The following TRPM5 variants were observed in gnomAD, a reference collection of about 807,000 sequenced individuals.
The protein encoded by TRPM5 is MLSN1 and TRP-related.
In TRPM5, 121 loss-of-function variants were observed where a neutral mutation model predicts 124.9. The observed-to-expected ratio is 0.97, with a 90% CI of 0.84 to 1.13. The LOEUF (loss-of-function observed/expected upper bound fraction) is 1.13, where lower values mean the gene tolerates loss of function less well. TRPM5 is among the 50% of genes most tolerant of loss of function. The pLI, the probability that TRPM5 is intolerant of heterozygous loss-of-function variation, is 0.00. For synonymous variants in TRPM5, 781 were observed against 700.5 expected, an observed-to-expected ratio of 1.11 and a Z score of -1.81; for missense variants, 1,643 against 1,589.1, an observed-to-expected ratio of 1.03 and a Z score of -0.58.
At chr11:2,415,068 C>A in intron 9 of TRPM5, 21 bp from the exon 15 acceptor site, 1 of 1,593,040 alleles carries the variant, frequency 6.3e-7, no homozygotes, top group South Asian at 1.1e-5. Flanking sequence ...CGGGCGTCGG[C>A]CTCCTGCTGC....
chr11:2,407,722 T>C, intron 19 of TRPM5, 37 bp downstream of exon 24: 1 of 1,608,838 alleles, frequency 6.2e-7, no homozygotes, highest in Non-Finnish European at 8.5e-7. Context: ...CTCCCTCCGC[T>C]CCAGGGCTCT....
chr11:2,406,372 C>T (rs1565005477), intron 21 of TRPM5, among the ~76,000 whole-genome samples: 1 of 152,188 alleles, frequency 6.6e-6, no homozygotes, highest in Admixed American at 6.5e-5. Context: ...GGACAGGCCC[C>T]TGGAGCCAGG....
exon 3 of TRPM5, chr11:2,421,114 G>A (rs770774630): frequency 2.3e-5 from 36 of 1,545,400 alleles, no homozygotes; most frequent in Admixed American, 1.2e-4. Context: ...CTTGGTGGAC[G>A]TGCTGGCCAG....
At chr11:2,418,175 T>G in exon 6 of TRPM5, 1 of 1,570,522 alleles carries the variant, frequency 6.4e-7, no homozygotes, top group Non-Finnish European at 8.7e-7. Context: ...ACCAGCTTGG[T>G]CCAGCGCACG....
exon 15 of TRPM5, chr11:2,412,877 G>A: frequency 6.3e-7 from 1 of 1,598,640 alleles, no homozygotes; most frequent in Non-Finnish European, 8.5e-7. Context: ...GGAAGAGGAA[G>A]GCGAAGTACA....
chr11:2,416,452 C>T (rs1845682653), intron 7 of TRPM5, among the ~76,000 whole-genome samples: 2 of 152,180 alleles, frequency 1.3e-5, no homozygotes, highest in Admixed American at 1.3e-4. Flanking sequence ...CAAGGGGGGC[C>T]TGCAGCACCT....
chr11:2,411,239 G>A lies in TRPM5; in HGVS notation c.2782+113C>T. ...AGCCACTTCTCCCATCTCTGCTCCA[G>A]GCTGGGGTCTCCATGGCCCCAACAG... On this transcript the variant is annotated intron_variant, in intron 18 of 23. Transcript: ENST00000155858. The A allele has an allele frequency of 2.4e-6, 3 of 1,274,920 alleles. No individual in the cohort carries two copies. In the South Asian group the frequency reaches 4.9e-5, roughly 21 times the overall value. 79.0% of individuals were successfully genotyped at this position (1,274,920 alleles called of 1,614,324 possible).
At position 2,411,399 on chromosome 11, in the gene TRPM5, C is replaced by T. The variant is rs757576143; in HGVS notation, c.2735G>A (p.Arg912Gln). 44 of 1,611,460 alleles carry T rather than the reference C, an allele frequency of 2.7e-5. No homozygotes were observed. The East Asian group carries it at 4.2e-4, about 16-fold the overall frequency. The change falls in exon 18 of 24, where the codon CGG becomes CAG. Residue 912 changes from arginine (R) to glutamine (Q), a missense_variant. Coordinates refer to ENST00000155858, the Ensembl canonical transcript of TRPM5. ...CTGGCCGAAGATCTGCAGGTAGGGC[C>T]GGTAGAGCACCCGGCGGAAGATCCA...
exon 9 of TRPM5, chr11:2,415,200 G>A (rs1177431789): frequency 6.3e-7 from 1 of 1,583,122 alleles, no homozygotes. Context: ...GAGTACGCGG[G>A]AGACCTCGTG....
chr11:2,431,901 C>T, the TRPM5 span, among the ~76,000 whole-genome samples: 3 of 152,200 alleles, frequency 2.0e-5, no homozygotes, highest in Admixed American at 1.3e-4. Context: ...CTGAGCATTC[C>T]CTGCCACCTC....
chr11:2,423,674 C>T (rs1845803829), upstream of TRPM5, among the ~76,000 whole-genome samples: 1 of 152,224 alleles, frequency 6.6e-6, no homozygotes, highest in Non-Finnish European at 1.5e-5. Flanking sequence ...ATTCCCGTGG[C>T]GCTCCCACAT....
rs780257007 is a variant in TRPM5 at position 2,415,187 on chromosome 11, C to T, written c.1413G>A (p.Lys471=). 4.4e-6 allele frequency: 7 copies of T among 1,584,686 alleles called. No homozygotes were observed. The South Asian group carries it at 6.8e-5, about 15-fold the overall frequency. ...CTCGGCAGGCGTCCTGCAGGAAGTCCTTGAGTACGCGGGAGACCTCGTGCA... is the reference window on the plus strand; with the variant it reads ...CTCGGCAGGCGTCCTGCAGGAAGTCTTTGAGTACGCGGGAGACCTCGTGCA... The change falls in exon 9 of 24, where the codon AAG becomes AAA. Residue 471 remains lysine, a synonymous_variant. Coordinates refer to ENST00000155858, the Ensembl canonical transcript of TRPM5.
intron 11 of TRPM5, among the ~76,000 whole-genome samples, chr11:2,414,451 C>T (rs1262662241): frequency 2.0e-5 from 3 of 152,230 alleles, no homozygotes; most frequent in Admixed American, 6.5e-5. Flanking sequence ...AAATGTCCCT[C>T]GTCCTGCGGC....
At chr11:2,441,821 G>C in the TRPM5 span, among the ~76,000 whole-genome samples, 2 of 152,028 alleles carry the variant, frequency 1.3e-5, no homozygotes, top group African/African-American at 4.8e-5. This position sits in a 1 kb window ranked among gnomAD's most constrained non-coding sequence, Gnocchi z 7.2. Context: ...TCCTGAGTAG[G>C]TGGGATTACA....
Position 2,414,695 on chromosome 11 carries a change from C to T in TRPM5, c.1744+20G>A. ...ATCCTCCCCCGCGCGCGGGCCCGGC[C>T]CCAGCCGCCGGTCACTCACCAAGGG... On this transcript the variant is annotated intron_variant, in intron 11 of 23. Coordinates refer to ENST00000155858, the Ensembl canonical transcript of TRPM5. The T allele has an allele frequency of 6.6e-7, 1 of 1,525,560 alleles. No homozygotes were observed. Among genetic ancestry groups the T allele is most frequent in the Non-Finnish European group, 8.8e-7 (1 of 1,136,572 alleles). The allele number at this position is 1,525,560 out of a possible 1,614,324, so 94.5% of individuals were successfully genotyped here.
At chr11:2,408,953 C>G (rs532186209) in intron 18 of TRPM5, among the ~76,000 whole-genome samples, 2 of 152,230 alleles carry the variant, frequency 1.3e-5, no homozygotes, top group African/African-American at 4.8e-5. Flanking sequence ...CTGGCACACA[C>G]GGGCACATTC....
intron 7 of TRPM5, 110 bp from the exon 13 acceptor site, chr11:2,416,134 C>T (rs543578675): frequency 2.8e-6 from 2 of 716,416 alleles, no homozygotes; most frequent in East Asian, 5.5e-5. Flanking sequence ...ACGGGAACTT[C>T]ACGCTGGGAC....
At chr11:2,405,459 G>A (rs1489137811) in intron 23 of TRPM5, 68 bp downstream of exon 28, 31 of 1,478,412 alleles carry the variant, frequency 2.1e-5, no homozygotes, top group African/African-American at 5.6e-5. Flanking sequence ...CACAGCCTAC[G>A]GCCCCCCAGC....
rs753814172 is a variant in TRPM5 at position 2,415,878 on chromosome 11, G to C, written c.1128+28C>G. 3 of 1,488,584 alleles carry C rather than the reference G, an allele frequency of 2.0e-6. No homozygotes were observed. In the Admixed American group the frequency reaches 5.7e-5, roughly 28 times the overall value. 92.2% of individuals were successfully genotyped at this position (1,488,584 alleles called of 1,614,324 possible). ...GCAGCTCGGGCAGTGCCATGATGGG[G>C]AGGTGGGTAGGCAGGGCTGGGAGGC... On this transcript the variant is annotated intron_variant, in intron 8 of 23. Coordinates refer to ENST00000155858, the Ensembl canonical transcript of TRPM5.
Sources: allele counts gnomAD v4.1 joint callset (sites outside exome capture counted in the v4.1 genomes callset), GRCh38; gene constraint gnomAD v4.1.1; non-coding constraint Gnocchi (gnomAD v3.1); transcripts MANE v1.5; gene names NCBI Gene and HGNC (gene_info 2026-07-23, HGNC 2026-07-21).